CABCOCO1: variants seen among roughly 807,000 people sequenced by gnomAD.
CABCOCO1 encodes ciliary-associated calcium-binding coiled-coil protein 1.
Under a neutral mutation model 35.7 loss-of-function variants are expected in CABCOCO1, and 28 were observed. The observed-to-expected ratio is 0.78, with a 90% CI of 0.58 to 1.07. CABCOCO1 has a LOEUF of 1.07. CABCOCO1 is among the 50% of genes least tolerant of loss of function. The pLI is 0.00. For missense variants in CABCOCO1, 326 were observed against 309.2 expected (o/e 1.05, Z -0.41); for synonymous variants, 95 against 100.1 (o/e 0.95, Z 0.30).
At chr10:61,744,677 A>T (rs923191262) in intron 5 of CABCOCO1, among the ~76,000 whole-genome samples, 4 of 152,094 alleles carry the variant, frequency 2.6e-5, no homozygotes, top group Non-Finnish European at 5.9e-5. Flanking sequence ...CCCTCCTCAC[A>T]CTAGGAGGTG....
chr10:61,712,848 T>G (rs147101337), intron 5 of CABCOCO1, among the ~76,000 whole-genome samples: 2,507 of 152,344 alleles, frequency 0.016, 54 homozygotes, highest in African/African-American at 0.048. Flanking sequence ...GCCTCTGTTC[T>G]GTTCCACTGG....
intron 5 of CABCOCO1, among the ~76,000 whole-genome samples, chr10:61,740,379 T>C (rs1386574486): frequency 6.6e-6 from 1 of 152,138 alleles, no homozygotes; most frequent in Non-Finnish European, 1.5e-5. Context: ...GTGTGAGTAA[T>C]GGAGGAGGAG....
intron 5 of CABCOCO1, among the ~76,000 whole-genome samples, chr10:61,724,637 G>T (rs545343500): frequency 6.6e-6 from 1 of 152,306 alleles, no homozygotes; most frequent in Admixed American, 6.5e-5. Context: ...CTTTGAAAAT[G>T]TCTCATCAGC....
chr10:61,724,956 T>C (rs1841109156), intron 5 of CABCOCO1, among the ~76,000 whole-genome samples: 1 of 152,228 alleles, frequency 6.6e-6, no homozygotes, highest in Non-Finnish European at 1.5e-5. Context: ...GAACTTAAAG[T>C]ATAATAAAAC....
chr10:61,742,253 C>G (rs371828433), intron 5 of CABCOCO1, among the ~76,000 whole-genome samples: 1 of 152,120 alleles, frequency 6.6e-6, no homozygotes, highest in East Asian at 1.9e-4. Context: ...GGACATTAAG[C>G]TTGTCATGTT....
intron 5 of CABCOCO1, among the ~76,000 whole-genome samples, chr10:61,742,546 CT>C (rs1349445934): frequency 6.6e-6 from 1 of 152,154 alleles, no homozygotes; most frequent in African/African-American, 2.4e-5. Flanking sequence ...CTGTCACCTG[CT>C]AATTGTGGGG....
At chr10:61,663,216 A>G (rs977319010) in intron 1 of CABCOCO1, 184 bp downstream of exon 1, 7 of 171,388 alleles carry the variant, frequency 4.1e-5, no homozygotes, top group African/African-American at 1.7e-4. Flanking sequence ...GGGGTCCCCG[A>G]CACCCTCTGC....
chr10:61,677,736 C>T (rs1839561988), intron 2 of CABCOCO1, among the ~76,000 whole-genome samples: 1 of 151,646 alleles, frequency 6.6e-6, no homozygotes, highest in Non-Finnish European at 1.5e-5. Context: ...TGATGTTCTC[C>T]TTCCCGTGTC....
intron 5 of CABCOCO1, among the ~76,000 whole-genome samples, chr10:61,704,529 A>T (rs1168938525): frequency 6.6e-6 from 1 of 152,088 alleles, no homozygotes; most frequent in Non-Finnish European, 1.5e-5. Context: ...TTGGAAGTAG[A>T]TCCTCCTCTA....
chr10:61,686,116 A>C lies in CABCOCO1; in HGVS notation c.410A>C (p.Gln137Pro), dbSNP rs756611899. The C allele has an allele frequency of 2.5e-6, 4 of 1,607,904 alleles. No individual in the cohort carries two copies. In the South Asian group the frequency reaches 3.4e-5, roughly 13 times the overall value. The change falls in exon 4 of 8, where the codon CAA (glutamine) becomes CCA (proline). Residue 137 changes from glutamine to proline, a missense_variant. By Grantham distance (76) the Gln-to-Pro change is moderately conservative (BLOSUM62 -1). Coordinates refer to ENST00000648843, the MANE Select transcript of CABCOCO1 (RefSeq NM_001366906.2). ...VMAEIGPTHS[Q>P]KSEDWNIFDV... ...GCTGAAATAGGACCAACACATTCGCAAAAGAGTGAGGACTGGAATATCTTT... is the reference window on the plus strand; with the variant it reads ...GCTGAAATAGGACCAACACATTCGCCAAAGAGTGAGGACTGGAATATCTTT...
chr10:61,705,167 C>T (rs550271579), intron 5 of CABCOCO1, among the ~76,000 whole-genome samples: 1 of 152,274 alleles, frequency 6.6e-6, no homozygotes, highest in East Asian at 1.9e-4. Context: ...ACTCTAAAAC[C>T]TTATCTGGTA....
At chr10:61,678,910 C>T (rs1005909020) in intron 2 of CABCOCO1, among the ~76,000 whole-genome samples, 1 of 151,936 alleles carries the variant, frequency 6.6e-6, no homozygotes, top group South Asian at 2.1e-4. Context: ...TCAGGTCTAC[C>T]CTGACACCAC....
At chr10:61,688,120 T>C (rs930695811) in intron 4 of CABCOCO1, among the ~76,000 whole-genome samples, 2 of 152,044 alleles carry the variant, frequency 1.3e-5, no homozygotes, top group Non-Finnish European at 2.9e-5. Context: ...CGTTTAAACC[T>C]ACCCATCCTG....
intron 5 of CABCOCO1, among the ~76,000 whole-genome samples, chr10:61,757,341 T>C (rs972255196): frequency 6.6e-6 from 1 of 152,102 alleles, no homozygotes; most frequent in African/African-American, 2.4e-5. Flanking sequence ...TTATTATTAA[T>C]GAAAAGACTT....
At chr10:61,742,230 G>A (rs781599386) in intron 5 of CABCOCO1, among the ~76,000 whole-genome samples, 12 of 152,132 alleles carry the variant, frequency 7.9e-5, no homozygotes, top group Non-Finnish European at 1.3e-4. Flanking sequence ...AAGAAAAAAA[G>A]CTTCTTTGCC....
At chr10:61,749,820 C>T (rs182384808) in intron 5 of CABCOCO1, among the ~76,000 whole-genome samples, 1 of 152,240 alleles carries the variant, frequency 6.6e-6, no homozygotes, top group East Asian at 1.9e-4. Flanking sequence ...GTTATTTAAC[C>T]TCTTTAAGCT....
At chr10:61,714,458 C>T (rs900621170) in intron 5 of CABCOCO1, among the ~76,000 whole-genome samples, 3 of 152,062 alleles carry the variant, frequency 2.0e-5, no homozygotes, top group African/African-American at 4.8e-5. Flanking sequence ...TTTCAAAAAA[C>T]CAGCTCCTGG....
chr10:61,671,168 T>C (rs1253642782), intron 1 of CABCOCO1, among the ~76,000 whole-genome samples: 1 of 151,938 alleles, frequency 6.6e-6, no homozygotes, highest in Non-Finnish European at 1.5e-5. Flanking sequence ...CTACTAAAAA[T>C]ACAAAAATTT....
chr10:61,718,695 A>G (rs999733619), intron 5 of CABCOCO1, among the ~76,000 whole-genome samples: 1 of 152,208 alleles, frequency 6.6e-6, no homozygotes, highest in Non-Finnish European at 1.5e-5. Flanking sequence ...TTCACTGGAA[A>G]AAGTTCAAGC....
Sources: allele counts gnomAD v4.1 joint callset (sites outside exome capture counted in the v4.1 genomes callset), GRCh38; gene constraint gnomAD v4.1.1; transcripts MANE v1.5; gene names NCBI Gene and HGNC (gene_info 2026-07-23, HGNC 2026-07-21).